The following DPF3 variants were observed in gnomAD, a reference collection of about 807,000 sequenced individuals.
The protein encoded by DPF3 is zinc finger protein DPF3.
Under a neutral mutation model 56.8 loss-of-function variants are expected in DPF3, and 18 were observed. That is an observed-to-expected ratio of 0.32 (90% CI 0.22 to 0.47). The LOEUF (loss-of-function observed/expected upper bound fraction) is 0.47, where lower values mean the gene tolerates loss of function less well. DPF3 is among the 20% of genes least tolerant of loss of function. DPF3 has a pLI of 1.00. For missense variants in DPF3, 403 were observed against 488.8 expected, an observed-to-expected ratio of 0.82 and a Z score of 1.65; for synonymous variants, 188 against 180.2, an observed-to-expected ratio of 1.04 and a Z score of -0.35.
At chr14:72,828,929 G>A (rs1883934674) in intron 1 of DPF3, among the ~76,000 whole-genome samples, 1 of 152,194 alleles carries the variant, frequency 6.6e-6, no homozygotes, top group Non-Finnish European at 1.5e-5. Flanking sequence ...GCAGGACTGG[G>A]TGTCCCACTG....
At position 72,613,219 on chromosome 14, in the gene DPF3, G is replaced by A. The variant is rs953371078; in HGVS notation, c.*6078C>T. Among the ~76,000 whole-genome samples the A allele has an allele frequency of 6.6e-6, 1 of 152,148 alleles. No individual in the cohort carries two copies. The highest frequency in any genetic ancestry group is 2.4e-5 in the African/African-American group (1 of 41,426). On this transcript the variant is annotated 3_prime_UTR_variant, in exon 11 of 11. Transcript: ENST00000556509. ...CTGAGGGAATATATAGGCCCCAGGG[G>A]CTCACAGGCCTCTGCCATTTCCTAC... is the stretch of plus-strand genomic sequence containing the variant.
intron 1 of DPF3, among the ~76,000 whole-genome samples, chr14:72,811,157 C>T (rs999428312): frequency 2.0e-5 from 3 of 152,230 alleles, no homozygotes; most frequent in Non-Finnish European, 4.4e-5. Flanking sequence ...TGAGACTTCA[C>T]TCATCACCAA....
In DPF3 at chr14:72,838,905, A is replaced by ATATATATATATATT; in HGVS notation, c.32+55151_32+55152insAATATATATATATA. The stretch of plus-strand genomic sequence containing the variant: ...ATCTATCATATATATTATCATATAT[A>ATATATATATATATT]TTCTTTTTTTTTTTTTTTTTTTTTT... On this transcript the variant is annotated intron_variant, in intron 1 of 10. Coordinates refer to ENST00000556509, the MANE Select transcript of DPF3 (RefSeq NM_001280542.3). Among the ~76,000 whole-genome samples the ATATATATATATATT allele has an allele frequency of 1.7e-4, 11 of 64,480 alleles. 1 individual carries two copies. The highest frequency in any genetic ancestry group is 2.8e-4 in the Non-Finnish European group (10 of 36,116). The allele number at this position is 64,480 out of a possible 152,430, so 42.3% of individuals were successfully genotyped here.
Position 72,614,570 on chromosome 14 carries a change from G to A in DPF3, c.*4727C>T, listed in dbSNP as rs1213167031. Reference sequence around the variant, plus strand: ...AAATGCTTCACTCCCCAAGGCTGCAGGCATGATCCAGCCCTCCCTCACTGC... The same window carrying A: ...AAATGCTTCACTCCCCAAGGCTGCAAGCATGATCCAGCCCTCCCTCACTGC... On this transcript the variant is annotated 3_prime_UTR_variant, in exon 11 of 11. Coordinates refer to ENST00000556509, the MANE Select transcript of DPF3 (RefSeq NM_001280542.3). Among the ~76,000 whole-genome samples, 1 of 151,960 alleles carries A rather than the reference G, an allele frequency of 6.6e-6. No homozygotes were observed. Among genetic ancestry groups the A allele is most frequent in the African/African-American group, 2.4e-5 (1 of 41,362 alleles).
At position 72,748,820 on chromosome 14, in the gene DPF3, T is replaced by TG. The variant is rs145959409; in HGVS notation, c.301+4443dup. On this transcript the variant is annotated intron_variant, in intron 3 of 10. Coordinates refer to ENST00000556509, the MANE Select transcript of DPF3 (RefSeq NM_001280542.3). ...CAAATTCCATGTGGTGTTGAGCCTG[T>TG]GAGTACACAGAAGTCAAGAACTGAA... 8.8e-3 allele frequency among the ~76,000 whole-genome samples: 1,342 copies of TG among 152,230 alleles called. 26 individuals are homozygous for TG. Among genetic ancestry groups the TG allele is most frequent in the African/African-American group, 0.031 (1,292 of 41,526 alleles).
At chr14:72,792,662 C>A (rs2139985646) in intron 1 of DPF3, among the ~76,000 whole-genome samples, 1 of 152,138 alleles carries the variant, frequency 6.6e-6, no homozygotes, top group African/African-American at 2.4e-5. Flanking sequence ...CAAGGACCCG[C>A]AGTAGCAGCG....
intron 8 of DPF3, chr14:72,661,469 A>C (rs941344739): frequency 3.7e-5 from 36 of 985,446 alleles, no homozygotes; most frequent in Non-Finnish European, 7.2e-6. Flanking sequence ...TCTGCTTACA[A>C]GGGAGGGAAA....
chr14:72,892,955 GGAAGGAA>G (rs1275684981), intron 1 of DPF3, among the ~76,000 whole-genome samples: 1 of 19,714 alleles, frequency 5.1e-5, no homozygotes, highest in Admixed American at 6.6e-4. Flanking sequence ...AAGGAAGGAA[GGAAGGAA>G]GGAAGGAAGG....
intron 9 of DPF3, among the ~76,000 whole-genome samples, chr14:72,626,230 A>G (rs972341045): frequency 2.0e-5 from 3 of 152,198 alleles, no homozygotes; most frequent in African/African-American, 7.2e-5. Flanking sequence ...ACAAGAAAGT[A>G]TTCTCAAAGA....
At chr14:72,843,861 G>A (rs189758642) in intron 1 of DPF3, among the ~76,000 whole-genome samples, 30 of 152,318 alleles carry the variant, frequency 2.0e-4, no homozygotes, top group Admixed American at 1.6e-3. Context: ...TAAGACTTAC[G>A]CAGGTTTACA....
At chr14:72,730,083 A>AT (rs977961109) in intron 4 of DPF3, among the ~76,000 whole-genome samples, 13 of 151,516 alleles carry the variant, frequency 8.6e-5, no homozygotes, top group Non-Finnish European at 1.5e-4. Flanking sequence ...GTTAAAAAAT[A>AT]TTTTTTTTTA....
Position 72,805,051 on chromosome 14 carries a change from G to GACACACACACACAC in DPF3, c.33-33172_33-33159dup, listed in dbSNP as rs138162317. Among the ~76,000 whole-genome samples the GACACACACACACAC allele has an allele frequency of 1.9e-3, 276 of 146,470 alleles. 6 individuals carry two copies. Among genetic ancestry groups the GACACACACACACAC allele is most frequent in the African/African-American group, 5.9e-3 (232 of 39,388 alleles). ...AAAACGAGGGAGTCCCACAGCCCTG[G>GACACACACACACAC]ACACACACACACACACAAACACACA... is the stretch of plus-strand genomic sequence containing the variant. On this transcript the variant is annotated intron_variant, in intron 1 of 10. Transcript: ENST00000556509.
At chr14:72,731,757 G>T (rs769310357) in intron 4 of DPF3, 50 bp downstream of exon 4, 4 of 1,609,204 alleles carry the variant, frequency 2.5e-6, no homozygotes, top group East Asian at 4.5e-5. Context: ...TTCTGGAAGC[G>T]CTATGGTGAC....
intron 6 of DPF3, among the ~76,000 whole-genome samples, chr14:72,699,620 T>C (rs1039884529): frequency 1.3e-5 from 2 of 151,132 alleles, no homozygotes; most frequent in Non-Finnish European, 2.9e-5. Context: ...ACAGTAACAA[T>C]GACACCACCA....
chr14:72,710,543 T>A (rs891194734), intron 6 of DPF3, among the ~76,000 whole-genome samples: 4 of 152,234 alleles, frequency 2.6e-5, no homozygotes, highest in African/African-American at 9.6e-5. Flanking sequence ...AAAGCCAGTA[T>A]ACACAAGAAT....
Position 72,730,447 on chromosome 14 carries a change from G to A in DPF3, c.429+1360C>T, listed in dbSNP as rs141365621. Among the ~76,000 whole-genome samples the A allele has an allele frequency of 7.4e-3, 1,128 of 152,258 alleles. 15 individuals are homozygous for A. Among genetic ancestry groups the A allele is most frequent in the African/African-American group, 0.026 (1,074 of 41,536 alleles). On this transcript the variant is annotated intron_variant, in intron 4 of 10. Coordinates refer to ENST00000556509, the MANE Select transcript of DPF3 (RefSeq NM_001280542.3). ...AAGATTTGACAATTCATCTTAACAC[G>A]GGAATGGCGGAGAAGAAGGCCAAAT... is the stretch of plus-strand genomic sequence containing the variant.
intron 1 of DPF3, among the ~76,000 whole-genome samples, chr14:72,795,290 AAAAAAAT>A (rs1370493466): frequency 3.2e-4 from 42 of 132,892 alleles, no homozygotes; most frequent in African/African-American, 7.5e-4. Context: ...AAAAAAAAAA[AAAAAAAT>A]ATATATATAT....
At chr14:72,778,652 G>C (rs1258886326) in intron 1 of DPF3, among the ~76,000 whole-genome samples, 2 of 152,152 alleles carry the variant, frequency 1.3e-5, no homozygotes, top group African/African-American at 4.8e-5. Flanking sequence ...AGTCCCTGGT[G>C]CCAGAAAGGT....
chr14:72,790,370 C>A (rs1892378976), intron 1 of DPF3, among the ~76,000 whole-genome samples: 1 of 152,190 alleles, frequency 6.6e-6, no homozygotes, highest in Non-Finnish European at 1.5e-5. Context: ...TGGTCCCTAG[C>A]ATATAGTAGG....
Sources: gnomAD v4.1 joint callset for allele counts (sites outside exome capture counted in the v4.1 genomes callset) on GRCh38, gnomAD v4.1.1 for gene constraint, MANE v1.5 for transcripts, NCBI Gene and HGNC (gene_info 2026-07-23, HGNC 2026-07-21) for gene names.